Variants in TOP2B observed in about 807,000 individuals in gnomAD.
TOP2B encodes DNA topoisomerase 2-beta.
TOP2B carries 51 observed loss-of-function variants against 193.5 expected under a neutral mutation model. The observed-to-expected ratio is 0.26, with a 90% CI of 0.21 to 0.33. TOP2B has a LOEUF of 0.33. TOP2B is among the 10% of genes least tolerant of loss of function. The pLI, the probability that TOP2B is intolerant of heterozygous loss-of-function variation, is 1.00. For synonymous variants in TOP2B, 634 were observed against 635.7 expected (o/e 1.00, Z 0.04); for missense variants, 1,378 against 1,909.3 (o/e 0.72, Z 5.19).
In TOP2B at chr3:25,624,605, G is replaced by A. The variant is rs1295896752; in HGVS notation, c.2346+77C>T. On this transcript the variant is annotated intron_variant, in intron 19 of 35. Coordinates refer to ENST00000264331, the MANE Select transcript of TOP2B (RefSeq NM_001330700.2). ...TTACATTTCCAAAGACTTTACTAAAGGAAAAATACTATGTGTAATTATCAT... is the reference window on the plus strand; with the variant it reads ...TTACATTTCCAAAGACTTTACTAAAAGAAAAATACTATGTGTAATTATCAT... 2.5e-6 allele frequency: 4 copies of A among 1,571,830 alleles called. No homozygotes were observed. In the African/African-American group the frequency reaches 5.5e-5, roughly 22 times the overall value.
rs1360622640 is a variant in TOP2B at position 25,630,302 on chromosome 3, A to T, written c.1563+10T>A. ...TGTGTATACACATATATATACACAC[A>T]CATACATACCTGTTTATGAGAAGCT... On this transcript the variant is annotated intron_variant, in intron 12 of 35. Transcript: ENST00000264331. 2 of 1,550,616 alleles carry T rather than the reference A, an allele frequency of 1.3e-6. No homozygotes were observed. Among genetic ancestry groups the T allele is most frequent in the Admixed American group, 3.9e-5 (2 of 50,910 alleles).
At chr3:25,620,323 A>G (rs1459099285) in intron 22 of TOP2B, among the ~76,000 whole-genome samples, 8 of 152,138 alleles carry the variant, frequency 5.3e-5, no homozygotes, top group African/African-American at 1.7e-4. Flanking sequence ...GATGACATCA[A>G]CTGGAACTGT....
chr3:25,618,366 T>C, intron 25 of TOP2B, 52 bp downstream of exon 25: 2 of 1,376,768 alleles, frequency 1.5e-6, no homozygotes, highest in South Asian at 2.4e-5. Context: ...TTGTTTGTTT[T>C]GGAAGTTGCT....
chr3:25,611,755 A>G (rs1026470513), intron 28 of TOP2B, among the ~76,000 whole-genome samples: 1 of 152,074 alleles, frequency 6.6e-6, no homozygotes. Flanking sequence ...GTTTAAGGAC[A>G]AACACAAGTA....
rs1179455501 is a variant in TOP2B, at chr3:25,630,402, C to T, written c.1473G>A (p.Val491=). 7 of 1,552,260 alleles carry T rather than the reference C, an allele frequency of 4.5e-6. No homozygotes were observed. The South Asian group carries it at 8.3e-5, about 18-fold the overall frequency. ...CTCGTCCAATCACACCTAATCCAGA[C>T]ACAGCCAGTGATTTGGCAGAGTCTC... ...TEGDSAKSLA[V]SGLGVIGRDR... The change falls in exon 12 of 36, where the codon GTG becomes GTA. Residue 491 remains valine, a synonymous_variant. Transcript: ENST00000264331.
At chr3:25,645,215 A>G (rs1703382025) in intron 2 of TOP2B, 85 bp downstream of exon 2, 2 of 1,231,912 alleles carry the variant, frequency 1.6e-6, no homozygotes, top group Admixed American at 4.8e-5. Flanking sequence ...TTCCAAAGCA[A>G]GTAATTACAA....
At chr3:25,661,825 A>G (rs955876877) in intron 1 of TOP2B, among the ~76,000 whole-genome samples, 4 of 152,196 alleles carry the variant, frequency 2.6e-5, no homozygotes, top group Non-Finnish European at 5.9e-5. Flanking sequence ...ATGCATCCCA[A>G]CAGTAGTTAA....
rs1262068003 is a variant in TOP2B, at chr3:25,598,095, G to GCCAATCAGACAGTA, written c.*198_*211dup. On this transcript the variant is annotated 3_prime_UTR_variant, in exon 36 of 36. Transcript: ENST00000264331. ...ACGGCAGTCTATAACAATTCTACAA[G>GCCAATCAGACAGTA]CCAATCAGACAGTACGTGACATTTC... 1 of 394,384 alleles carries GCCAATCAGACAGTA rather than the reference G, an allele frequency of 2.5e-6. No homozygotes were observed. The highest frequency in any genetic ancestry group is 4.4e-5 in the Admixed American group (1 of 22,844). 24.4% of individuals were successfully genotyped at this position (394,384 alleles called of 1,614,324 possible).
At chr3:25,608,323 A>G (rs1702286570) in intron 30 of TOP2B, among the ~76,000 whole-genome samples, 2 of 152,230 alleles carry the variant, frequency 1.3e-5, no homozygotes, top group South Asian at 2.1e-4. Flanking sequence ...ATTATGGAAT[A>G]AAATTTTTAA....
chr3:25,636,383 T>A (rs1703105123), intron 6 of TOP2B, among the ~76,000 whole-genome samples: 1 of 152,022 alleles, frequency 6.6e-6, no homozygotes, highest in Admixed American at 6.6e-5. Context: ...TTAAAAATAT[T>A]TGGGAAAAAA....
At position 25,630,365 on chromosome 3, in the gene TOP2B, C is replaced by T; in HGVS notation, c.1510G>A (p.Val504Ile). The T allele has an allele frequency of 6.4e-7, 1 of 1,551,594 alleles. No individual in the cohort carries two copies. The highest frequency in any genetic ancestry group is 8.7e-7 in the Non-Finnish European group (1 of 1,146,828). The change falls in exon 12 of 36, where the codon GTT (valine) becomes ATT (isoleucine). Residue 504 changes from valine (V) to isoleucine (I), a missense_variant. Val to Ile is a conservative substitution (Grantham distance 29). Transcript: ENST00000264331. ...LGVIGRDRYGVFPLRGKILNV... is the reference protein window; with the variant it reads ...LGVIGRDRYGIFPLRGKILNV... ...AGAATTTTGCCCCTGAGTGGAAAAA[C>T]TCCGTATCTGTCTCGTCCAATCACA...
chr3:25,606,057 T>A lies in TOP2B; in HGVS notation c.4364A>T (p.Gln1455Leu), dbSNP rs1388182853. 6.7e-7 allele frequency: 1 copy of A among 1,497,436 alleles called. No individual in the cohort carries two copies. 92.8% of individuals were successfully genotyped at this position (1,497,436 alleles called of 1,614,324 possible). The part of the protein sequence containing the change: ...GNLFSFPSYS[Q>L]KSEDDSAKFD... ...AATGAACATACCATCTTCTGACTTC[T>A]GAGAATATGAAGGAAATGAGAAGAG... Residue 1455 changes from glutamine to leucine, a missense_variant, in exon 32 of 36, where the codon CAG (glutamine) becomes CTG (leucine). Coordinates refer to ENST00000264331, the MANE Select transcript of TOP2B (RefSeq NM_001330700.2).
intron 6 of TOP2B, 92 bp from the exon 7 acceptor site, chr3:25,636,240 A>G: frequency 1.2e-6 from 1 of 812,038 alleles, no homozygotes; most frequent in Non-Finnish European, 1.9e-6. Context: ...CATTTATCAA[A>G]CTATATCAAT....
intron 1 of TOP2B, among the ~76,000 whole-genome samples, chr3:25,651,207 AT>A (rs1400656753): frequency 6.6e-6 from 1 of 152,228 alleles, no homozygotes; most frequent in Non-Finnish European, 1.5e-5. Flanking sequence ...AGCATAAAAA[AT>A]AATTCTAAAT....
chr3:25,638,022 G>A (rs1703151867), intron 5 of TOP2B, 143 bp downstream of exon 5: 1 of 823,610 alleles, frequency 1.2e-6, no homozygotes, highest in Non-Finnish European at 1.9e-6. Flanking sequence ...CTATTACCAA[G>A]ACAATATTTA....
intron 23 of TOP2B, 100 bp from the exon 24 acceptor site, chr3:25,618,949 A>G: frequency 1.1e-6 from 1 of 885,698 alleles, no homozygotes; most frequent in Non-Finnish European, 1.6e-6. Flanking sequence ...ATATATAACC[A>G]TAATGCATGT....
At chr3:25,626,181 G>T (rs1004100058) in intron 18 of TOP2B, among the ~76,000 whole-genome samples, 1 of 151,944 alleles carries the variant, frequency 6.6e-6, no homozygotes, top group Non-Finnish European at 1.5e-5. Flanking sequence ...TAAAGCATTA[G>T]GCTTTGGGTA....
rs946845026 is a variant in TOP2B, at chr3:25,643,577, G to A, written c.331+117C>T. On this transcript the variant is annotated intron_variant, in intron 3 of 35. Coordinates refer to ENST00000264331, the MANE Select transcript of TOP2B (RefSeq NM_001330700.2). ...TCTGAAGATCATTTATATTCAGAAG[G>A]ATAAAAGCCAGAGATACACCTTTCA... 7 of 694,194 alleles carry A rather than the reference G, an allele frequency of 1.0e-5. No individual in the cohort carries two copies. The Admixed American group carries it at 1.7e-4, about 17-fold the overall frequency. The allele number at this position is 694,194 out of a possible 1,614,324, so 43.0% of individuals were successfully genotyped here. A position where few individuals can be genotyped will look rare whatever the true frequency, so the allele number is the denominator to read the frequency against.
intron 4 of TOP2B, among the ~76,000 whole-genome samples, chr3:25,640,472 A>T (rs1311792605): frequency 6.6e-6 from 1 of 152,172 alleles, no homozygotes; most frequent in African/African-American, 2.4e-5. Flanking sequence ...TTTCTAGCAG[A>T]AGCAGTTAAA....
Sources: gnomAD v4.1 joint callset for allele counts (sites outside exome capture counted in the v4.1 genomes callset) on GRCh38, gnomAD v4.1.1 for gene constraint, MANE v1.5 for transcripts, NCBI Gene and HGNC (gene_info 2026-07-23, HGNC 2026-07-21) for gene names.